Variants in FLRT2 observed in about 807,000 individuals in gnomAD.
FLRT2 encodes fibronectin leucine rich transmembrane protein 2.
In FLRT2, 15 loss-of-function variants were observed where a neutral mutation model predicts 40.0. The observed-to-expected ratio is 0.38, with a 90% confidence interval of 0.25 to 0.58. FLRT2 has a LOEUF of 0.58. FLRT2 is among the 20% of genes least tolerant of loss of function. The pLI is 0.71. For synonymous variants in FLRT2, 380 were observed against 336.8 expected, an observed-to-expected ratio of 1.13 and a Z score of -1.41; for missense variants, 726 against 840.0, an observed-to-expected ratio of 0.86 and a Z score of 1.68.
At chr14:85,545,783 G>A (rs1889246943) in intron 1 of FLRT2, among the ~76,000 whole-genome samples, 1 of 152,152 alleles carries the variant, frequency 6.6e-6, no homozygotes, top group Admixed American at 6.5e-5. Context: ...TTATTGTAGA[G>A]AACACTCTCC....
rs1566774464 is a variant in FLRT2 at position 85,643,331 on chromosome 14, C to CTT, written c.*19836_*19837dup. The CTT allele has an allele frequency of 8.6e-6, 1 of 116,220 alleles. No individual in the cohort carries two copies. The highest frequency in any genetic ancestry group is 1.7e-5 in the Non-Finnish European group (1 of 58,180). 7.2% of individuals were successfully genotyped at this position (116,220 alleles called of 1,614,324 possible). On this transcript the variant is annotated 3_prime_UTR_variant, in exon 2 of 2. Transcript: ENST00000330753. The stretch of plus-strand genomic sequence containing the variant: ...TCTTTCTTTCTTTCTTTCTTTCTTT[C>CTT]TTTCTTTCTTTCTTTCTTTCTTTCT...
At chr14:85,555,833 G>T (rs1000842953) in intron 1 of FLRT2, among the ~76,000 whole-genome samples, 1 of 151,960 alleles carries the variant, frequency 6.6e-6, no homozygotes, top group Non-Finnish European at 1.5e-5. Context: ...TGGGATTACA[G>T]GTGTGAGGCC....
Position 85,637,007 on chromosome 14 carries a change from C to T in FLRT2, c.*13510C>T, listed in dbSNP as rs1894025727. The T allele has an allele frequency of 7.2e-6, 1 of 139,732 alleles. No individual in the cohort carries two copies. The highest frequency in any genetic ancestry group is 1.6e-5 in the Non-Finnish European group (1 of 63,702). 8.7% of individuals were successfully genotyped at this position (139,732 alleles called of 1,614,324 possible). A position where few individuals can be genotyped will look rare whatever the true frequency, so the allele number is the denominator to read the frequency against. On this transcript the variant is annotated 3_prime_UTR_variant, in exon 2 of 2. Coordinates refer to ENST00000330753, the MANE Select transcript of FLRT2 (RefSeq NM_013231.6). ...AACAAAAACAAAAAACAAAAAAACA[C>T]ATTTTACAAAACAATAATCTAAGTG...
chr14:85,598,916 G>GTTT (rs11449675), intron 1 of FLRT2, among the ~76,000 whole-genome samples: 1,669 of 120,244 alleles, frequency 0.014, 94 homozygotes, highest in South Asian at 0.043. Flanking sequence ...AAATGGGATG[G>GTTT]TTTTTTTTTT....
rs558256372 is a variant in FLRT2 at position 85,603,012 on chromosome 14, A to T, written c.-376-18127A>T. On this transcript the variant is annotated intron_variant, in intron 1 of 1. Transcript: ENST00000330753. ...GAAAAGTATAAATGAAGTTTATCTT[A>T]AATGCCCTGTTCTCTTCAAATCTTT... 4.6e-5 allele frequency among the ~76,000 whole-genome samples: 7 copies of T among 152,322 alleles called. No individual in the cohort carries two copies. In the East Asian group the frequency reaches 1.4e-3, roughly 29 times the overall value.
rs1038847987 is a variant in FLRT2, at chr14:85,632,055, A to G, written c.*8558A>G. 2 of 152,026 alleles carry G rather than the reference A, an allele frequency of 1.3e-5. No homozygotes were observed. Among genetic ancestry groups the G allele is most frequent in the African/African-American group, 4.8e-5 (2 of 41,388 alleles). 9.4% of individuals were successfully genotyped at this position (152,026 alleles called of 1,614,324 possible). On this transcript the variant is annotated 3_prime_UTR_variant, in exon 2 of 2. Coordinates refer to ENST00000330753, the MANE Select transcript of FLRT2 (RefSeq NM_013231.6). ...TGGCCAGGCTAGTCTCGAACTCCTGACCTCAGGTGATCCCCCCACCTAGGC... is the reference window on the plus strand; with the variant it reads ...TGGCCAGGCTAGTCTCGAACTCCTGGCCTCAGGTGATCCCCCCACCTAGGC...
intron 1 of FLRT2, among the ~76,000 whole-genome samples, chr14:85,550,430 T>C (rs977054925): frequency 6.6e-6 from 1 of 152,218 alleles, no homozygotes; most frequent in African/African-American, 2.4e-5. Context: ...ATGAGTTCAC[T>C]GTAGACCACA....
chr14:85,549,243 G>A (rs1889461987), intron 1 of FLRT2, among the ~76,000 whole-genome samples: 1 of 151,778 alleles, frequency 6.6e-6, no homozygotes, highest in South Asian at 2.1e-4. Context: ...TAACACTTAA[G>A]CCATCCATGG....
chr14:85,603,584 T>C (rs758631636), intron 1 of FLRT2, among the ~76,000 whole-genome samples: 2 of 152,264 alleles, frequency 1.3e-5, no homozygotes, highest in Non-Finnish European at 2.9e-5. Context: ...AAGACCTGGA[T>C]TGAGACCAGG....
At chr14:85,533,447 C>G (rs1277378980) in intron 1 of FLRT2, among the ~76,000 whole-genome samples, 4 of 152,018 alleles carry the variant, frequency 2.6e-5, no homozygotes, top group Admixed American at 1.3e-4. Context: ...ACGCCCGGCT[C>G]CGAGCTGTCC....
chr14:85,645,702 A>G lies in FLRT2; in HGVS notation c.*22205A>G, dbSNP rs1380652089. On this transcript the variant is annotated 3_prime_UTR_variant, in exon 2 of 2. Coordinates refer to ENST00000330753, the MANE Select transcript of FLRT2 (RefSeq NM_013231.6). ...GAGGAATCTTTCAGAGATTCAGTAG[A>G]TAAGGTGATCTATTATATGGATGTC... The G allele has an allele frequency of 6.6e-6, 1 of 152,180 alleles. No homozygotes were observed. Among genetic ancestry groups the G allele is most frequent in the African/African-American group, 2.4e-5 (1 of 41,444 alleles). 9.4% of individuals were successfully genotyped at this position (152,180 alleles called of 1,614,324 possible). A position where few individuals can be genotyped will look rare whatever the true frequency, so the allele number is the denominator to read the frequency against.
intron 1 of FLRT2, among the ~76,000 whole-genome samples, chr14:85,547,246 T>A (rs539061901): frequency 3.3e-5 from 5 of 152,256 alleles, no homozygotes; most frequent in African/African-American, 9.6e-5. Context: ...ATTTAGGATG[T>A]GTCCCCATTT....
chr14:85,616,505 T>G (rs1893140813), intron 1 of FLRT2, among the ~76,000 whole-genome samples: 2 of 152,190 alleles, frequency 1.3e-5, no homozygotes, highest in African/African-American at 4.8e-5. Context: ...GAGAAAGTAT[T>G]GTGCAGTTAA....
At chr14:85,548,087 AG>A (rs1313937678) in intron 1 of FLRT2, among the ~76,000 whole-genome samples, 1 of 152,198 alleles carries the variant, frequency 6.6e-6, no homozygotes, top group Non-Finnish European at 1.5e-5. Context: ...TTGGGGCCCC[AG>A]GATTTATTTT....
intron 1 of FLRT2, among the ~76,000 whole-genome samples, chr14:85,557,470 A>G: frequency 6.6e-6 from 1 of 152,174 alleles, no homozygotes; most frequent in East Asian, 1.9e-4. Context: ...ATTTTCAAAA[A>G]GGAGATAGAA....
rs1894094039 is a variant in FLRT2 at position 85,639,474 on chromosome 14, A to C, written c.*15977A>C. ...TACCACATTTACTTTCTACAATGCA[A>C]GTAGAAGAAGGGGCCCCACCAGTCA... On this transcript the variant is annotated 3_prime_UTR_variant, in exon 2 of 2. Coordinates refer to ENST00000330753, the MANE Select transcript of FLRT2 (RefSeq NM_013231.6). The C allele has an allele frequency of 6.6e-6, 1 of 152,110 alleles. No individual in the cohort carries two copies. Among genetic ancestry groups the C allele is most frequent in the African/African-American group, 2.4e-5 (1 of 41,430 alleles). 9.4% of individuals were successfully genotyped at this position (152,110 alleles called of 1,614,324 possible).
In FLRT2 at chr14:85,630,535, A is replaced by C. The variant is rs181393709; in HGVS notation, c.*7038A>C. The C allele has an allele frequency of 2.0e-5, 3 of 152,294 alleles. No homozygotes were observed. Among genetic ancestry groups the C allele is most frequent in the African/African-American group, 7.2e-5 (3 of 41,564 alleles). 9.4% of individuals were successfully genotyped at this position (152,294 alleles called of 1,614,324 possible). On this transcript the variant is annotated 3_prime_UTR_variant, in exon 2 of 2. Coordinates refer to ENST00000330753, the MANE Select transcript of FLRT2 (RefSeq NM_013231.6). ...ACCGAGGCCTGGTAAGTTCTGGTGC[A>C]GAATAAGAATGTTTTCCAGGAGAGT...
In FLRT2 at chr14:85,626,459, C is replaced by A. The variant is rs191453030; in HGVS notation, c.*2962C>A. On this transcript the variant is annotated 3_prime_UTR_variant, in exon 2 of 2. Transcript: ENST00000330753. Reference sequence around the variant, plus strand: ...TGAGGTGACTCAGATAGAATCTGATCCCATTCAGAGCTTGGTAAATGTCAC... The same window carrying A: ...TGAGGTGACTCAGATAGAATCTGATACCATTCAGAGCTTGGTAAATGTCAC... 6.6e-4 allele frequency: 111 copies of A among 167,136 alleles called. No homozygotes were observed. The highest frequency in any genetic ancestry group is 3.4e-3 in the Middle Eastern group (1 of 296). The allele number at this position is 167,136 out of a possible 1,614,324, so 10.4% of individuals were successfully genotyped here.
At position 85,647,543 on chromosome 14, in the gene FLRT2, A is replaced by G. The variant is rs1029955487; in HGVS notation, c.*24046A>G. The G allele has an allele frequency of 4.6e-5, 7 of 152,336 alleles. No homozygotes were observed. The highest frequency in any genetic ancestry group is 3.4e-3 in the Middle Eastern group (1 of 294). 9.4% of individuals were successfully genotyped at this position (152,336 alleles called of 1,614,324 possible). A position where few individuals can be genotyped will look rare whatever the true frequency, so the allele number is the denominator to read the frequency against. ...GTTTCTCTTCCAAGAGGACACAACA[A>G]TGATTCATTTGAACTCTATGATTGC... On this transcript the variant is annotated 3_prime_UTR_variant, in exon 2 of 2. Transcript: ENST00000330753.
Sources: gnomAD v4.1 joint callset for allele counts (sites outside exome capture counted in the v4.1 genomes callset) on GRCh38, gnomAD v4.1.1 for gene constraint, MANE v1.5 for transcripts, NCBI Gene and HGNC (gene_info 2026-07-23, HGNC 2026-07-21) for gene names.